DPYSL3: variants seen among roughly 807,000 people sequenced by gnomAD.
The protein encoded by DPYSL3 is dihydropyrimidinase-related protein 3.
DPYSL3 carries 16 observed loss-of-function variants against 66.1 expected under a neutral mutation model. The ratio of observed to expected loss-of-function variants is 0.24; its 90% CI spans 0.16 to 0.37. The LOEUF (loss-of-function observed/expected upper bound fraction) is 0.37, where lower values mean the gene tolerates loss of function less well. DPYSL3 is among the 10% of genes least tolerant of loss of function. The probability of loss-of-function intolerance (pLI) is 1.00; values close to 1 mark genes in which losing one functional copy is unlikely to be tolerated. For missense variants in DPYSL3, 738 were observed against 916.2 expected (o/e 0.81, Z 2.51); for synonymous variants, 338 against 345.1 (o/e 0.98, Z 0.23).
At chr5:147,471,858 A>C (rs1182215575) in intron 1 of DPYSL3, among the ~76,000 whole-genome samples, 1 of 152,192 alleles carries the variant, frequency 6.6e-6, no homozygotes, top group Non-Finnish European at 1.5e-5. Context: ...TCAAAAGCCT[A>C]AATATGCTTG....
intron 1 of DPYSL3, among the ~76,000 whole-genome samples, chr5:147,492,532 A>G (rs1284558949): frequency 3.9e-5 from 6 of 152,150 alleles, no homozygotes; most frequent in Non-Finnish European, 4.4e-5. Flanking sequence ...GAGATAGGAG[A>G]AAATAATTAG....
chr5:147,407,988 G>A (rs1052910787), intron 7 of DPYSL3, among the ~76,000 whole-genome samples: 1 of 152,114 alleles, frequency 6.6e-6, no homozygotes, highest in African/African-American at 2.4e-5. Flanking sequence ...GACTCTAAAA[G>A]AGACAGGATA....
At chr5:147,413,164 A>G (rs1751892132) in intron 5 of DPYSL3, among the ~76,000 whole-genome samples, 1 of 152,184 alleles carries the variant, frequency 6.6e-6, no homozygotes, top group African/African-American at 2.4e-5. Context: ...ATTTCCTCTG[A>G]AAACATAGCC....
intron 1 of DPYSL3, among the ~76,000 whole-genome samples, chr5:147,499,023 T>C (rs569034385): frequency 1.3e-5 from 2 of 152,336 alleles, no homozygotes; most frequent in East Asian, 3.9e-4. Flanking sequence ...TGGTATTGCC[T>C]AGGTTGTCTC....
rs1183579974 is a variant in DPYSL3 at position 147,418,447 on chromosome 5, T to C, written c.655A>G (p.Ile219Val). The C allele has an allele frequency of 1.5e-5, 24 of 1,600,492 alleles. No individual in the cohort carries two copies. The South Asian group carries it at 1.9e-4, about 13-fold the overall frequency. The change falls in exon 3 of 14, where the codon ATT becomes GTT. Residue 219 changes from isoleucine to valine, a missense_variant and splice_region_variant. Coordinates refer to ENST00000343218, the MANE Select transcript of DPYSL3 (RefSeq NM_001197294.2). ...GAGTGTGTAAAATATGAAGACTTAC[T>C]GATCATGGTGGTGCCACCTGCTAAG... ...AALAGGTTMI[I>V]DHVVPEPESS...
At chr5:147,471,785 G>A (rs932662075) in intron 1 of DPYSL3, among the ~76,000 whole-genome samples, 1 of 152,084 alleles carries the variant, frequency 6.6e-6, no homozygotes, top group African/African-American at 2.4e-5. Context: ...TCAACTTTAG[G>A]ATAGAAACTC....
chr5:147,497,438 C>T (rs1461443882), intron 1 of DPYSL3, among the ~76,000 whole-genome samples: 1 of 151,954 alleles, frequency 6.6e-6, no homozygotes, highest in Non-Finnish European at 1.5e-5. Flanking sequence ...AACTACAGAT[C>T]AGTATCTCTA....
intron 1 of DPYSL3, among the ~76,000 whole-genome samples, chr5:147,448,192 TGAAAGGA>T (rs1468257069): frequency 3.3e-5 from 5 of 151,954 alleles, no homozygotes; most frequent in Non-Finnish European, 7.4e-5. Context: ...AAGAAACAGC[TGAAAGGA>T]TCTTCATAAC....
intron 1 of DPYSL3, among the ~76,000 whole-genome samples, chr5:147,429,290 G>T (rs1237975276): frequency 6.6e-6 from 1 of 152,148 alleles, no homozygotes; most frequent in Non-Finnish European, 1.5e-5. Context: ...AGCCCAGCAG[G>T]GTTCTAGGCA....
intron 1 of DPYSL3, among the ~76,000 whole-genome samples, chr5:147,438,734 G>C (rs1330260520): frequency 6.6e-6 from 1 of 152,224 alleles, no homozygotes; most frequent in African/African-American, 2.4e-5. Context: ...GTTTCAGACT[G>C]AAGTTTACAG....
chr5:147,422,539 G>C (rs1014352281), intron 2 of DPYSL3, among the ~76,000 whole-genome samples: 25 of 152,106 alleles, frequency 1.6e-4, no homozygotes, highest in African/African-American at 5.8e-4. Context: ...CTACTATAAA[G>C]ACACATGCAC....
intron 7 of DPYSL3, 85 bp from the exon 8 acceptor site, chr5:147,405,815 G>T: frequency 6.6e-7 from 1 of 1,520,848 alleles, no homozygotes. Context: ...TGAGGATGCA[G>T]TGCTGCACAA....
At chr5:147,446,920 G>A (rs1486079937) in intron 1 of DPYSL3, among the ~76,000 whole-genome samples, 2 of 152,214 alleles carry the variant, frequency 1.3e-5, no homozygotes, top group African/African-American at 4.8e-5. Flanking sequence ...TGGAGATAAT[G>A]GCTAATGGCG....
intron 1 of DPYSL3, among the ~76,000 whole-genome samples, chr5:147,440,963 T>C (rs1752521063): frequency 6.6e-6 from 1 of 152,190 alleles, no homozygotes; most frequent in Non-Finnish European, 1.5e-5. Flanking sequence ...AATTTCCCCA[T>C]TTGTAAAGTG....
intron 1 of DPYSL3, among the ~76,000 whole-genome samples, chr5:147,498,888 A>G (rs1396991848): frequency 6.6e-6 from 1 of 152,004 alleles, no homozygotes; most frequent in African/African-American, 2.4e-5. Flanking sequence ...TTCCTCTGAT[A>G]ATAGTTTCTT....
intron 1 of DPYSL3, among the ~76,000 whole-genome samples, chr5:147,490,443 G>A (rs1004373353): frequency 3.9e-5 from 6 of 152,170 alleles, no homozygotes; most frequent in African/African-American, 1.4e-4. Flanking sequence ...AATTAAATAT[G>A]TGACATATCA....
intron 1 of DPYSL3, among the ~76,000 whole-genome samples, chr5:147,488,950 C>T (rs966932495): frequency 2.0e-5 from 3 of 150,498 alleles, no homozygotes; most frequent in Non-Finnish European, 4.4e-5. Context: ...AGGAGGGGGA[C>T]GTTGCACTGA....
Position 147,502,380 on chromosome 5 carries a change from C to T in DPYSL3, c.381+7098G>A, listed in dbSNP as rs978424767. ...GAAAAAAATGCATGTCACAGATACA[C>T]ACACACACACACACACACACATATA... is the stretch of plus-strand genomic sequence containing the variant. On this transcript the variant is annotated intron_variant, in intron 1 of 13. Transcript: ENST00000343218. 2.7e-5 allele frequency among the ~76,000 whole-genome samples: 4 copies of T among 148,506 alleles called. No homozygotes were observed. The Admixed American group carries it at 2.7e-4, about 10-fold the overall frequency.
rs1165257846 is a variant in DPYSL3, at chr5:147,509,580, T to C, written c.279A>G (p.Glu93=). Reference sequence around the variant, plus strand: ...AGGCGGGCGCGGGCTCCCTGCTCTCTTCCCGGCCTTGGCCCCTGCGCGGGG... The same window carrying C: ...AGGCGGGCGCGGGCTCCCTGCTCTCCTCCCGGCCTTGGCCCCTGCGCGGGG... The part of the protein sequence containing the change: ...GDTPRRGQGR[E]ESREPAPASP... The change falls in exon 1 of 14, where the codon GAA becomes GAG. Residue 93 remains glutamate (E), a synonymous_variant. Transcript: ENST00000343218. The surrounding 1 kb of genome is among the most constrained non-coding windows in gnomAD (Gnocchi z 5.3). 1.6e-5 allele frequency: 25 copies of C among 1,535,382 alleles called. No homozygotes were observed. The highest frequency in any genetic ancestry group is 1.9e-5 in the Non-Finnish European group (22 of 1,146,636).
Sources: allele counts gnomAD v4.1 joint callset (sites outside exome capture counted in the v4.1 genomes callset), GRCh38; gene constraint gnomAD v4.1.1; non-coding constraint Gnocchi (gnomAD v3.1); transcripts MANE v1.5; gene names NCBI Gene and HGNC (gene_info 2026-07-23, HGNC 2026-07-21).